CLIP1: variants seen among roughly 807,000 people sequenced by gnomAD.
CLIP1 encodes CAP-Gly domain-containing linker protein 1.
CLIP1 carries 66 observed loss-of-function variants against 161.6 expected under a neutral mutation model. The ratio of observed to expected loss-of-function variants is 0.41; its 90% CI spans 0.33 to 0.50. The LOEUF is 0.50. Ranked by LOEUF, CLIP1 falls within the 20% of genes least tolerant of loss-of-function variation. CLIP1 has a pLI of 0.27. For missense variants in CLIP1, 1,376 were observed against 1,702.0 expected (o/e 0.81, Z 3.37); for synonymous variants, 598 against 626.2 (o/e 0.96, Z 0.67).
intron 11 of CLIP1, among the ~76,000 whole-genome samples, chr12:122,338,921 G>C (rs1421377541): frequency 6.6e-6 from 1 of 152,120 alleles, no homozygotes; most frequent in Admixed American, 6.5e-5. Context: ...CTTCGACTAT[G>C]GTTAGTTAGC....
chr12:122,359,167 AC>A (rs751806668), intron 5 of CLIP1, among the ~76,000 whole-genome samples: 3 of 152,244 alleles, frequency 2.0e-5, no homozygotes, highest in Non-Finnish European at 4.4e-5. Context: ...AACTGAAATG[AC>A]ACTTTCAATT....
chr12:122,294,428 TAAC>T (rs1950390201), intron 20 of CLIP1, among the ~76,000 whole-genome samples: 1 of 149,324 alleles, frequency 6.7e-6, no homozygotes, highest in Non-Finnish European at 1.5e-5. Flanking sequence ...CTGATATACA[TAAC>T]AACATGGATA....
intron 20 of CLIP1, among the ~76,000 whole-genome samples, chr12:122,294,818 G>A (rs1159826168): frequency 6.6e-6 from 1 of 152,004 alleles, no homozygotes; most frequent in Non-Finnish European, 1.5e-5. Flanking sequence ...GGGAGGCAAG[G>A]TAGGCAGATC....
chr12:122,283,127 C>A, intron 21 of CLIP1, among the ~76,000 whole-genome samples: 1 of 152,120 alleles, frequency 6.6e-6, no homozygotes, highest in East Asian at 1.9e-4. Context: ...CACTAAAAAG[C>A]CTAGAGAATG....
chr12:122,332,934 C>T (rs543955912), intron 15 of CLIP1, 53 bp downstream of exon 15: 2 of 1,495,824 alleles, frequency 1.3e-6, no homozygotes, highest in South Asian at 1.2e-5. Context: ...CCACCTAGAG[C>T]TTGCCGCAGA....
At chr12:122,402,660 CACCT>C (rs1413474427) in intron 1 of CLIP1, among the ~76,000 whole-genome samples, 1 of 152,002 alleles carries the variant, frequency 6.6e-6, no homozygotes, top group Non-Finnish European at 1.5e-5. Context: ...CCTATAATCC[CACCT>C]ACTCCGGAGG....
intron 1 of CLIP1, among the ~76,000 whole-genome samples, chr12:122,387,563 TATATATATATATATATATATATATATA>T (rs1566209068): frequency 3.2e-4 from 3 of 9,320 alleles, no homozygotes; most frequent in Admixed American, 1.5e-3. Context: ...TATATATATA[TATATATATATATATATATATATATATA>T]TTTTTTTTTT....
intron 1 of CLIP1, among the ~76,000 whole-genome samples, chr12:122,387,095 T>C (rs1030002848): frequency 6.6e-6 from 1 of 152,122 alleles, no homozygotes; most frequent in African/African-American, 2.4e-5. Context: ...TTTCTCCACA[T>C]TGCCCAGAAT....
intron 14 of CLIP1, 76 bp from the exon 15 acceptor site, chr12:122,333,219 G>T (rs1952068459): frequency 9.1e-7 from 1 of 1,102,152 alleles, no homozygotes; most frequent in African/African-American, 1.6e-5. Flanking sequence ...TTCTTGCTCT[G>T]GTAATATTTT....
intron 3 of CLIP1, among the ~76,000 whole-genome samples, chr12:122,373,929 CA>C (rs1954583683): frequency 6.6e-6 from 1 of 151,804 alleles, no homozygotes. Context: ...AAGACAGACA[CA>C]AAAAAAGCAC....
intron 20 of CLIP1, among the ~76,000 whole-genome samples, chr12:122,308,328 G>C (rs1950949235): frequency 6.6e-6 from 1 of 152,206 alleles, no homozygotes; most frequent in African/African-American, 2.4e-5. Flanking sequence ...GATGGCAATA[G>C]ACTCAGCACT....
intron 21 of CLIP1, 113 bp downstream of exon 21, chr12:122,288,376 G>T: frequency 1.1e-6 from 1 of 889,950 alleles, no homozygotes; most frequent in Non-Finnish European, 1.7e-6. Flanking sequence ...CTATCACAAT[G>T]CCATTTTCTG....
chr12:122,322,084 G>A (rs1951526339), intron 17 of CLIP1: 1 of 152,554 alleles, frequency 6.6e-6, no homozygotes, highest in Admixed American at 6.5e-5. Flanking sequence ...AAGCAGTCTG[G>A]GTGCTCAATA....
chr12:122,297,169 G>A (rs1209144467), intron 20 of CLIP1, among the ~76,000 whole-genome samples: 4 of 152,266 alleles, frequency 2.6e-5, no homozygotes, highest in African/African-American at 7.2e-5. Flanking sequence ...ATCTCCAAGA[G>A]CTCATGTATG....
In CLIP1 at chr12:122,288,553, A is replaced by C; in HGVS notation, c.3595-12T>G. On this transcript the variant is annotated splice_polypyrimidine_tract_variant and intron_variant, in intron 20 of 25. Transcript: ENST00000620786. ...CTTTCTTCTTCCAGCTAGGAAAAAA[A>C]CACAAAAAACTTCAGTTCATAACCA... 1 of 1,603,806 alleles carries C rather than the reference A, an allele frequency of 6.2e-7. No homozygotes were observed. Among genetic ancestry groups the C allele is most frequent in the Non-Finnish European group, 8.5e-7 (1 of 1,179,236 alleles).
At chr12:122,375,999 C>T (rs1028132945) in intron 3 of CLIP1, among the ~76,000 whole-genome samples, 5 of 151,960 alleles carry the variant, frequency 3.3e-5, no homozygotes, top group African/African-American at 9.7e-5. Flanking sequence ...AGTGTAGTGA[C>T]GCGATCTTGG....
chr12:122,366,459 A>G lies in CLIP1; in HGVS notation c.658-2352T>C, dbSNP rs377741653. On this transcript the variant is annotated intron_variant, in intron 3 of 25. Coordinates refer to ENST00000620786, the MANE Select transcript of CLIP1 (RefSeq NM_001247997.2). The stretch of plus-strand genomic sequence containing the variant: ...CACACCACTGCACTACAGCCTGGGC[A>G]ATAGAACAAGAAACTGTTTCAAAAA... Among the ~76,000 whole-genome samples, 12 of 152,280 alleles carry G rather than the reference A, an allele frequency of 7.9e-5. No individual in the cohort carries two copies. The East Asian group carries it at 1.9e-3, about 24-fold the overall frequency.
intron 24 of CLIP1, 100 bp from the exon 25 acceptor site, chr12:122,274,262 G>C (rs1955300376): frequency 2.0e-6 from 2 of 993,394 alleles, no homozygotes; most frequent in Non-Finnish European, 3.0e-6. Context: ...TGGCGGCAAA[G>C]TGTGCAGAAG....
intron 1 of CLIP1, among the ~76,000 whole-genome samples, chr12:122,412,389 T>TCA (rs1436001272): frequency 1.4e-5 from 2 of 145,540 alleles, no homozygotes; most frequent in Admixed American, 1.4e-4. Context: ...GCGTGGTGGC[T>TCA]CACCCCTGTA....
Sources: allele counts gnomAD v4.1 joint callset (sites outside exome capture counted in the v4.1 genomes callset), GRCh38; gene constraint gnomAD v4.1.1; transcripts MANE v1.5; gene names NCBI Gene and HGNC (gene_info 2026-07-23, HGNC 2026-07-21).